GRIA1: variants seen among roughly 807,000 people sequenced by gnomAD.
GRIA1 encodes the protein glutamate receptor 1.
GRIA1 carries 31 observed loss-of-function variants against 99.2 expected under a neutral mutation model. That is an observed-to-expected ratio of 0.31 (90% CI 0.23 to 0.42). The LOEUF (loss-of-function observed/expected upper bound fraction) is 0.42, where lower values mean the gene tolerates loss of function less well. Ranked by LOEUF, GRIA1 falls within the 10% of genes least tolerant of loss-of-function variation. The pLI is 1.00. For missense variants in GRIA1, 782 were observed against 1,157.5 expected (o/e 0.68, Z 4.71); for synonymous variants, 438 against 432.4 (o/e 1.01, Z -0.16).
At chr5:153,796,796 C>A (rs1183235001) in intron 14 of GRIA1, among the ~76,000 whole-genome samples, 1 of 150,868 alleles carries the variant, frequency 6.6e-6, no homozygotes, top group Non-Finnish European at 1.5e-5. Context: ...ACCCCCACCC[C>A]CCGGCTTGTT....
At chr5:153,648,791 T>C (rs1466562645) in intron 3 of GRIA1, among the ~76,000 whole-genome samples, 1 of 151,988 alleles carries the variant, frequency 6.6e-6, no homozygotes, top group East Asian at 1.9e-4. Flanking sequence ...TACAAAAAAT[T>C]AATCCATGCA....
At chr5:153,719,691 A>C (rs548162439) in intron 11 of GRIA1, among the ~76,000 whole-genome samples, 12 of 152,276 alleles carry the variant, frequency 7.9e-5, no homozygotes, top group Admixed American at 7.2e-4. Context: ...CCCCAACCAG[A>C]TTAAAAGAGA....
chr5:153,788,549 T>C (rs1008270140), intron 13 of GRIA1, among the ~76,000 whole-genome samples: 2 of 152,178 alleles, frequency 1.3e-5, no homozygotes, highest in Admixed American at 6.5e-5. Flanking sequence ...CACCCAACCC[T>C]CTTCTCTCTC....
At chr5:153,735,025 G>A (rs894381819) in intron 11 of GRIA1, among the ~76,000 whole-genome samples, 1 of 152,152 alleles carries the variant, frequency 6.6e-6, no homozygotes, top group Non-Finnish European at 1.5e-5. Flanking sequence ...GGAGCTACTG[G>A]TGTCTAATGG....
intron 5 of GRIA1, among the ~76,000 whole-genome samples, chr5:153,666,693 T>A (rs769981798): frequency 1.3e-5 from 2 of 152,228 alleles, no homozygotes; most frequent in Non-Finnish European, 2.9e-5. Context: ...CTAATGGGAA[T>A]GATAATAGTA....
intron 2 of GRIA1, among the ~76,000 whole-genome samples, chr5:153,635,321 T>A (rs1753270700): frequency 1.3e-5 from 2 of 152,170 alleles, no homozygotes; most frequent in South Asian, 4.1e-4. Flanking sequence ...CAGAAGGTAT[T>A]TTGTGACTAT....
At chr5:153,566,526 G>A (rs12523009) in intron 2 of GRIA1, among the ~76,000 whole-genome samples, 14,500 of 149,846 alleles carry the variant, frequency 0.097, 775 homozygotes, top group South Asian at 0.19. Context: ...GGTTGGTCTC[G>A]AACTCCTGAC....
chr5:153,806,324 G>A (rs1766424093), intron 15 of GRIA1, among the ~76,000 whole-genome samples: 1 of 152,026 alleles, frequency 6.6e-6, no homozygotes, highest in African/African-American at 2.4e-5. Context: ...GGAGTTCAGT[G>A]GTGCAATCTC....
chr5:153,713,159 C>G (rs1270819133), intron 11 of GRIA1, among the ~76,000 whole-genome samples: 2 of 152,244 alleles, frequency 1.3e-5, no homozygotes, highest in Non-Finnish European at 2.9e-5. Flanking sequence ...ATGTTACATG[C>G]TGGGTGAGCG....
rs922857407 is a variant in GRIA1, at chr5:153,784,908, C to A, written c.2271-9713C>A. Among the ~76,000 whole-genome samples the A allele has an allele frequency of 1.8e-4, 28 of 152,274 alleles. 1 individual carries two copies. Among genetic ancestry groups the A allele is most frequent in the Admixed American group, 1.7e-3 (26 of 15,294 alleles). ...CTAGTCCTGCCTAAATTCAGCCATG[C>A]TTTTCCTCGGCAGTGGCAGGGTAAA... On this transcript the variant is annotated intron_variant, in intron 13 of 15. Transcript: ENST00000285900.
rs148776379 is a variant in GRIA1 at position 153,490,963 on chromosome 5, C to A, written c.75C>A (p.Ile25=). 4.3e-6 allele frequency: 7 copies of A among 1,613,964 alleles called. No individual in the cohort carries two copies. The highest frequency in any genetic ancestry group is 2.7e-5 in the African/African-American group (2 of 75,012). ...TAGGTGCCAATTTCCCCAACAATAT[C>A]CAGATCGGTGAGTGAGGGGGCAGCC... ...AVVGANFPNN[I]QIGGLFPNQQ... The change falls in exon 1 of 16, where the codon ATC becomes ATA. Residue 25 remains isoleucine, a synonymous_variant. Coordinates refer to ENST00000285900, the MANE Select transcript of GRIA1 (RefSeq NM_000827.4).
intron 11 of GRIA1, among the ~76,000 whole-genome samples, chr5:153,718,068 TG>T (rs140984248): frequency 0.025 from 3,848 of 152,338 alleles, 67 homozygotes; most frequent in African/African-American, 0.06. Flanking sequence ...ATCACTCCGA[TG>T]TTTTAAATTG....
chr5:153,560,743 C>A (rs1257111052), intron 2 of GRIA1, among the ~76,000 whole-genome samples: 1 of 152,146 alleles, frequency 6.6e-6, no homozygotes, highest in Non-Finnish European at 1.5e-5. Flanking sequence ...ACAGACTAGT[C>A]TAATACAGAG....
chr5:153,786,588 A>G (rs1455816168), intron 13 of GRIA1, among the ~76,000 whole-genome samples: 2 of 152,100 alleles, frequency 1.3e-5, no homozygotes, highest in African/African-American at 4.8e-5. Flanking sequence ...AAATGTTTGA[A>G]GTGTTGACCC....
At chr5:153,653,108 C>A (rs1754692981) in intron 4 of GRIA1, among the ~76,000 whole-genome samples, 1 of 152,176 alleles carries the variant, frequency 6.6e-6, no homozygotes, top group Non-Finnish European at 1.5e-5. Context: ...ATTTTCTTCC[C>A]TGCTGAGTCC....
At chr5:153,666,915 A>T (rs964438698) in intron 5 of GRIA1, among the ~76,000 whole-genome samples, 2 of 152,160 alleles carry the variant, frequency 1.3e-5, no homozygotes, top group Non-Finnish European at 2.9e-5. Flanking sequence ...CTTCCCCATG[A>T]CAACCCTTCT....
In GRIA1 at chr5:153,562,064, G is replaced by A. The variant is rs568862988; in HGVS notation, c.220+67999G>A. ...TGAGGGTGGAAAGATGCATTGGGGG[G>A]TAAGACTTTGAGAACCAAGTTCATT... On this transcript the variant is annotated intron_variant, in intron 2 of 15. Transcript: ENST00000285900. Among the ~76,000 whole-genome samples the A allele has an allele frequency of 5.3e-5, 8 of 151,320 alleles. 1 individual carries two copies. The highest frequency in any genetic ancestry group is 1.0e-4 in the Non-Finnish European group (7 of 67,844).
intron 11 of GRIA1, among the ~76,000 whole-genome samples, chr5:153,764,192 C>T (rs1408987333): frequency 2.0e-5 from 3 of 152,148 alleles, no homozygotes. Flanking sequence ...AGTGTGAATA[C>T]GTGCATGTGG....
chr5:153,549,690 C>T (rs1458666914), intron 2 of GRIA1, among the ~76,000 whole-genome samples: 1 of 152,106 alleles, frequency 6.6e-6, no homozygotes, highest in African/African-American at 2.4e-5. Context: ...TTCCAGGAAA[C>T]TAATTGTCAG....
Sources: allele counts gnomAD v4.1 joint callset (sites outside exome capture counted in the v4.1 genomes callset), GRCh38; gene constraint gnomAD v4.1.1; transcripts MANE v1.5; gene names NCBI Gene and HGNC (gene_info 2026-07-23, HGNC 2026-07-21).